LRRC4C: variants seen among roughly 807,000 people sequenced by gnomAD.
LRRC4C encodes leucine-rich repeat-containing protein 4C.
LRRC4C carries 5 observed loss-of-function variants against 33.6 expected under a neutral mutation model. The ratio of observed to expected loss-of-function variants is 0.15; its 90% CI spans 0.08 to 0.31. The LOEUF is 0.31. Ranked by LOEUF, LRRC4C falls within the 10% of genes least tolerant of loss-of-function variation. LRRC4C has a pLI of 1.00. For missense variants in LRRC4C, 560 were observed against 796.7 expected (o/e 0.70, Z 3.58); for synonymous variants, 329 against 302.0 (o/e 1.09, Z -0.93).
intron 1 of LRRC4C, among the ~76,000 whole-genome samples, chr11:41,342,092 T>C (rs1034006083): frequency 2.6e-5 from 4 of 152,204 alleles, no homozygotes; most frequent in East Asian, 1.9e-4. Flanking sequence ...TTGTATCTTC[T>C]TAAAACAACA....
intron 1 of LRRC4C, among the ~76,000 whole-genome samples, chr11:40,949,833 A>G (rs1175362311): frequency 6.6e-6 from 1 of 152,006 alleles, no homozygotes; most frequent in Non-Finnish European, 1.5e-5. Context: ...ACCAGCTAAC[A>G]TCATAATGAC....
intron 2 of LRRC4C, among the ~76,000 whole-genome samples, chr11:40,773,942 G>C (rs761834414): frequency 3.3e-5 from 5 of 152,022 alleles, no homozygotes; most frequent in Non-Finnish European, 5.9e-5. Context: ...GCAACTACCA[G>C]TTATATCTAG....
chr11:40,403,004 T>C (rs1373502844), intron 3 of LRRC4C, among the ~76,000 whole-genome samples: 3 of 152,148 alleles, frequency 2.0e-5, no homozygotes, highest in Non-Finnish European at 4.4e-5. Context: ...AGAAGCCACA[T>C]GGTTCTAGTC....
chr11:40,599,383 G>T (rs1413877460), intron 3 of LRRC4C, among the ~76,000 whole-genome samples: 1 of 152,164 alleles, frequency 6.6e-6, no homozygotes, highest in Non-Finnish European at 1.5e-5. Flanking sequence ...CCTAGGTCAA[G>T]GCTGCAGTGA....
At chr11:41,300,727 TA>T (rs1950261751) in intron 1 of LRRC4C, among the ~76,000 whole-genome samples, 1 of 152,170 alleles carries the variant, frequency 6.6e-6, no homozygotes, top group African/African-American at 2.4e-5. Flanking sequence ...AACCAGAACT[TA>T]ACTATGTCCA....
chr11:40,188,646 G>T (rs550715214), intron 5 of LRRC4C, among the ~76,000 whole-genome samples: 8 of 152,110 alleles, frequency 5.3e-5, no homozygotes, highest in Non-Finnish European at 1.2e-4. Flanking sequence ...AGGCAGCAAG[G>T]TTCCTTTCTC....
intron 1 of LRRC4C, among the ~76,000 whole-genome samples, chr11:41,430,808 C>A (rs1251918531): frequency 6.6e-6 from 1 of 151,620 alleles, no homozygotes; most frequent in Non-Finnish European, 1.5e-5. Flanking sequence ...ATATATATAT[C>A]TTTATTTTCT....
intron 3 of LRRC4C, among the ~76,000 whole-genome samples, chr11:40,482,461 T>G (rs2138417609): frequency 6.6e-6 from 1 of 152,180 alleles, no homozygotes; most frequent in South Asian, 2.1e-4. Flanking sequence ...ACAGGAATTT[T>G]TTTTTTTTGG....
At chr11:41,263,971 TTTTC>T (rs1949065336) in intron 1 of LRRC4C, among the ~76,000 whole-genome samples, 1 of 152,136 alleles carries the variant, frequency 6.6e-6, no homozygotes, top group Non-Finnish European at 1.5e-5. Context: ...CTTGATGCAG[TTTTC>T]TTTGTCTATC....
intron 1 of LRRC4C, among the ~76,000 whole-genome samples, chr11:41,241,184 A>G (rs139067047): frequency 7.9e-5 from 12 of 152,298 alleles, no homozygotes; most frequent in African/African-American, 2.6e-4. Context: ...TTTTCTCCCA[A>G]ATGAAAGCGT....
intron 4 of LRRC4C, among the ~76,000 whole-genome samples, chr11:40,304,299 C>T (rs994051884): frequency 5.3e-5 from 8 of 152,074 alleles, no homozygotes; most frequent in Admixed American, 3.3e-4. Flanking sequence ...CAGTTAAATG[C>T]CACCGGATTT....
intron 2 of LRRC4C, among the ~76,000 whole-genome samples, chr11:40,840,634 T>C (rs1054929220): frequency 2.6e-5 from 4 of 152,190 alleles, no homozygotes; most frequent in Admixed American, 2.6e-4. Flanking sequence ...CTTGAACTGG[T>C]AAAATAGGTT....
At chr11:40,827,628 G>C (rs1952220817) in intron 2 of LRRC4C, among the ~76,000 whole-genome samples, 1 of 151,566 alleles carries the variant, frequency 6.6e-6, no homozygotes, top group Non-Finnish European at 1.5e-5. Flanking sequence ...AAAAGTAATT[G>C]AATGTTCAGT....
At chr11:41,261,538 A>AT (rs1948982555) in intron 1 of LRRC4C, among the ~76,000 whole-genome samples, 1 of 152,110 alleles carries the variant, frequency 6.6e-6, no homozygotes, top group Admixed American at 6.6e-5. Flanking sequence ...TAGGGTGAAT[A>AT]TATAATTTAT....
chr11:40,943,264 G>GT (rs1400310166), intron 1 of LRRC4C, among the ~76,000 whole-genome samples: 2 of 152,132 alleles, frequency 1.3e-5, no homozygotes, highest in Non-Finnish European at 2.9e-5. Context: ...CTGCAGGCAG[G>GT]TTATTTCCCC....
chr11:40,292,546 T>C (rs889296705), intron 4 of LRRC4C: 40 of 151,732 alleles, frequency 2.6e-4, no homozygotes, highest in African/African-American at 9.7e-4. Flanking sequence ...CCCAAACTTT[T>C]CATTCCAAAA....
intron 4 of LRRC4C, among the ~76,000 whole-genome samples, chr11:40,304,285 T>C (rs547121390): frequency 1.3e-5 from 2 of 152,268 alleles, no homozygotes; most frequent in Non-Finnish European, 1.5e-5. Flanking sequence ...TCTAAGTGCC[T>C]GTACAGTTAA....
rs144796483 is a variant in LRRC4C at position 41,199,582 on chromosome 11, G to A, written c.-496+259849C>T. Among the ~76,000 whole-genome samples, 438 of 152,088 alleles carry A rather than the reference G, an allele frequency of 2.9e-3. 5 individuals carry two copies. The highest frequency in any genetic ancestry group is 1.9e-3 in the Non-Finnish European group (132 of 67,968). ...ATATAGAGTGTAGACTTCTTAGATA[G>A]GTGTGTCAAACACCCACTTTGGCTG... On this transcript the variant is annotated intron_variant, in intron 1 of 6. Coordinates refer to ENST00000528697, the MANE Select transcript of LRRC4C (RefSeq NM_001258419.2).
chr11:40,892,165 AAAG>A (rs943241059), intron 2 of LRRC4C, among the ~76,000 whole-genome samples: 67 of 151,822 alleles, frequency 4.4e-4, no homozygotes, highest in Non-Finnish European at 8.2e-4. Context: ...GAAAAAGAAA[AAAG>A]AAGTTCCTCA....
Sources: allele counts gnomAD v4.1 joint callset (sites outside exome capture counted in the v4.1 genomes callset), GRCh38; gene constraint gnomAD v4.1.1; transcripts MANE v1.5; gene names NCBI Gene and HGNC (gene_info 2026-07-23, HGNC 2026-07-21).